Variants in CACNA1E observed in about 807,000 individuals in gnomAD.
CACNA1E encodes the protein voltage-dependent R-type calcium channel subunit alpha-1E.
CACNA1E carries 40 observed loss-of-function variants against 259.2 expected under a neutral mutation model. That is an observed-to-expected ratio of 0.15 (90% CI 0.12 to 0.20). CACNA1E has a LOEUF of 0.20. Among genes scored for constraint, CACNA1E ranks in the 10% least tolerant of loss-of-function variants. The pLI is 1.00. For synonymous variants in CACNA1E, 1,104 were observed against 1,138.5 expected (o/e 0.97, Z 0.61); for missense variants, 1,874 against 3,040.1 (o/e 0.62, Z 9.02).
intron 6 of CACNA1E, among the ~76,000 whole-genome samples, chr1:181,589,481 C>A (rs959420936): frequency 2.6e-5 from 4 of 152,002 alleles, no homozygotes; most frequent in East Asian, 1.9e-4. Context: ...AACAATAGGG[C>A]AAACTAAATA....
intron 38 of CACNA1E, 106 bp from the exon 39 acceptor site, chr1:181,781,321 C>CCTCTCCTAT: frequency 1.5e-6 from 1 of 674,720 alleles, no homozygotes; most frequent in South Asian, 1.6e-5. Flanking sequence ...TGCCTATTCT[C>CCTCTCCTAT]CTCTCCTATC....
chr1:181,741,578 G>A (rs372915207), intron 25 of CACNA1E, among the ~76,000 whole-genome samples: 3 of 152,186 alleles, frequency 2.0e-5, no homozygotes, highest in Admixed American at 6.5e-5. Flanking sequence ...GCCTATGCCC[G>A]TGTGCCTGGT....
chr1:181,422,148 T>C (rs1344113978), intron 2 of CACNA1E, among the ~76,000 whole-genome samples: 3 of 152,218 alleles, frequency 2.0e-5, no homozygotes, highest in Non-Finnish European at 4.4e-5. Context: ...TCAGAGAGGC[T>C]GTCCTTCATC....
rs75750701 is a variant in CACNA1E at position 181,494,019 on chromosome 1, G to T, written c.266+10009G>T. On this transcript the variant is annotated intron_variant, in intron 1 of 47. Transcript: ENST00000367573. ...TCCTCTTCCAGGCCTCCGTGCCTTT[G>T]CACTTGCTGCTTTTCCACCTAGAAT... Among the ~76,000 whole-genome samples, 685 of 152,270 alleles carry T rather than the reference G, an allele frequency of 4.5e-3. 6 individuals are homozygous for T. Among genetic ancestry groups the T allele is most frequent in the African/African-American group, 0.016 (648 of 41,528 alleles).
Position 181,758,202 on chromosome 1 carries a change from C to A in CACNA1E, c.4494+91C>A. 8.9e-7 allele frequency: 1 copy of A among 1,122,924 alleles called. No individual in the cohort carries two copies. The highest frequency in any genetic ancestry group is 1.3e-6 in the Non-Finnish European group (1 of 766,960). 69.6% of individuals were successfully genotyped at this position (1,122,924 alleles called of 1,614,324 possible). On this transcript the variant is annotated intron_variant, in intron 31 of 47. Coordinates refer to ENST00000367573, the MANE Select transcript of CACNA1E (RefSeq NM_001205293.3). The surrounding 1 kb of genome is among the most constrained non-coding windows in gnomAD (Gnocchi z 4.2). Reference sequence around the variant, plus strand: ...AAGACACCCCAACATCCCAGCCCATCACTGCTTTACCTACTTTTCCATCAT... The same window carrying A: ...AAGACACCCCAACATCCCAGCCCATAACTGCTTTACCTACTTTTCCATCAT...
chr1:181,400,613 C>T (rs1242685525), intron 1 of CACNA1E, among the ~76,000 whole-genome samples: 1 of 152,098 alleles, frequency 6.6e-6, no homozygotes, highest in Non-Finnish European at 1.5e-5. Context: ...TGGCAAGGTC[C>T]CCGTGCCCCT....
chr1:181,391,945 CTGTGTGTG>C (rs201388697), intron 1 of CACNA1E, among the ~76,000 whole-genome samples: 4 of 118,194 alleles, frequency 3.4e-5, no homozygotes, highest in African/African-American at 1.2e-4. Flanking sequence ...CTCTCTCTCT[CTGTGTGTG>C]TGTGTGTGTG....
intron 2 of CACNA1E, among the ~76,000 whole-genome samples, chr1:181,425,102 T>TC (rs746751947): frequency 3.9e-5 from 6 of 152,328 alleles, no homozygotes; most frequent in Non-Finnish European, 8.8e-5. Context: ...AGATATTTTT[T>TC]CTTCTTTTAT....
At chr1:181,363,226 G>A (rs1167816040) in intron 1 of CACNA1E, among the ~76,000 whole-genome samples, 1 of 152,184 alleles carries the variant, frequency 6.6e-6, no homozygotes, top group African/African-American at 2.4e-5. Context: ...AAGATGAGAA[G>A]TAGATATGGG....
chr1:181,728,878 G>T (rs1385881851), intron 18 of CACNA1E, among the ~76,000 whole-genome samples: 1 of 142,362 alleles, frequency 7.0e-6, no homozygotes, highest in Non-Finnish European at 1.5e-5. Flanking sequence ...TTTTGCTCGG[G>T]TGTGTGTGCC....
At position 181,758,656 on chromosome 1, in the gene CACNA1E, T is replaced by C. The variant is rs531817127; in HGVS notation, c.4495-102T>C. ...TCCTCCTGTACCACACACCAGAGTG[T>C]CCCACAGGGCAGGAATGAGAGATGG... is the stretch of plus-strand genomic sequence containing the variant. On this transcript the variant is annotated intron_variant, in intron 31 of 47. Coordinates refer to ENST00000367573, the MANE Select transcript of CACNA1E (RefSeq NM_001205293.3). The surrounding 1 kb of genome is among the most constrained non-coding windows in gnomAD (Gnocchi z 4.2). 3.3e-5 allele frequency: 22 copies of C among 664,618 alleles called. No homozygotes were observed. In the African/African-American group the frequency reaches 3.4e-4, roughly 10 times the overall value. 41.2% of individuals were successfully genotyped at this position (664,618 alleles called of 1,614,324 possible).
chr1:181,342,226 C>G (rs1652209932), intron 1 of CACNA1E, among the ~76,000 whole-genome samples: 1 of 152,086 alleles, frequency 6.6e-6, no homozygotes, highest in Non-Finnish European at 1.5e-5. Flanking sequence ...CATTAGTGCT[C>G]TGGGCAAGGG....
At chr1:181,456,400 G>A (rs1385725110) in intron 2 of CACNA1E, among the ~76,000 whole-genome samples, 1 of 152,142 alleles carries the variant, frequency 6.6e-6, no homozygotes, top group South Asian at 2.1e-4. Context: ...AAGAGCCTGA[G>A]GGTAAGGAGA....
At chr1:181,321,899 A>G (rs1355049434) in intron 1 of CACNA1E, among the ~76,000 whole-genome samples, 2 of 152,172 alleles carry the variant, frequency 1.3e-5, no homozygotes. Context: ...GAAGGTTGGG[A>G]TATTTTCTAG....
At chr1:181,774,580 T>TG (rs777870143) in intron 37 of CACNA1E, among the ~76,000 whole-genome samples, 4 of 152,224 alleles carry the variant, frequency 2.6e-5, no homozygotes, top group Non-Finnish European at 5.9e-5. Flanking sequence ...ACCTCTGTGG[T>TG]GTGTCCCTCA....
At position 181,732,689 on chromosome 1, in the gene CACNA1E, A is replaced by G. The variant is rs1481753705; in HGVS notation, c.2603A>G (p.Asp868Gly). Reference sequence around the variant, plus strand: ...GGAGGGGACCGATCCAGTGCCCTGGACAACCAGAGGACCCCTTTGTCCCTG... The same window carrying G: ...GGAGGGGACCGATCCAGTGCCCTGGGCAACCAGAGGACCCCTTTGTCCCTG... ...GDGGDRSSAL[D>G]NQRTPLSLGQ... Residue 868 changes from aspartate to glycine, a missense_variant, in exon 20 of 48, where the codon GAC (aspartate) becomes GGC (glycine). This residue lies in a region of CACNA1E where 476 missense variants were observed against 514.0 expected (regional missense o/e 0.93). Coordinates refer to ENST00000367573, the MANE Select transcript of CACNA1E (RefSeq NM_001205293.3). This position sits in a 1 kb window ranked among gnomAD's most constrained non-coding sequence, Gnocchi z 5.5. The G allele has an allele frequency of 1.3e-6, 2 of 1,530,654 alleles. No individual in the cohort carries two copies. Among genetic ancestry groups the G allele is most frequent in the Non-Finnish European group, 1.8e-6 (2 of 1,140,844 alleles). 94.8% of individuals were successfully genotyped at this position (1,530,654 alleles called of 1,614,324 possible). A position where few individuals can be genotyped will look rare whatever the true frequency, so the allele number is the denominator to read the frequency against.
chr1:181,400,960 C>A (rs1196567917), intron 1 of CACNA1E, among the ~76,000 whole-genome samples: 1 of 152,158 alleles, frequency 6.6e-6, no homozygotes, highest in Non-Finnish European at 1.5e-5. Flanking sequence ...TGCTTAAAAC[C>A]CTCCAAAGGC....
At chr1:181,763,552 C>A (rs751094571) in intron 34 of CACNA1E, 21 bp downstream of exon 34, 1 of 1,540,898 alleles carries the variant, frequency 6.5e-7, no homozygotes, top group Non-Finnish European at 8.8e-7. Context: ...CCAGCAAATC[C>A]TCTCTGAGGG....
intron 6 of CACNA1E, among the ~76,000 whole-genome samples, chr1:181,599,429 C>G (rs1249696367): frequency 6.6e-6 from 1 of 152,198 alleles, no homozygotes; most frequent in Non-Finnish European, 1.5e-5. Flanking sequence ...CTACTGATCC[C>G]TCAAGCTTCA....
Sources: gnomAD v4.1 joint callset for allele counts (sites outside exome capture counted in the v4.1 genomes callset) on GRCh38, gnomAD v4.1.1 for gene constraint, gnomAD v4.1.1 regional missense constraint, Gnocchi (gnomAD v3.1) non-coding constraint, MANE v1.5 for transcripts, NCBI Gene and HGNC (gene_info 2026-07-23, HGNC 2026-07-21) for gene names.